RBM26: variants seen among roughly 807,000 people sequenced by gnomAD.
RBM26 encodes RNA-binding protein 26.
In RBM26, 30 loss-of-function variants were observed where a neutral mutation model predicts 123.6. That is an observed-to-expected ratio of 0.24 (90% CI 0.18 to 0.33). The LOEUF is 0.33. RBM26 is among the 10% of genes least tolerant of loss of function. RBM26 has a pLI of 1.00. For missense variants in RBM26, 947 were observed against 1,203.6 expected, an observed-to-expected ratio of 0.79 and a Z score of 3.15; for synonymous variants, 400 against 404.4, an observed-to-expected ratio of 0.99 and a Z score of 0.13.
Position 79,371,824 on chromosome 13 carries a change from G to A in RBM26, c.416+18C>T. ...AACTTACATCGAAACACTGAGTATG[G>A]TTCAATGAACTGCTCACCTATTTTC... is the stretch of plus-strand genomic sequence containing the variant. On this transcript the variant is annotated intron_variant, in intron 4 of 21. Coordinates refer to ENST00000438737, the MANE Select transcript of RBM26 (RefSeq NM_001366735.2). 2.6e-6 allele frequency: 4 copies of A among 1,512,840 alleles called. No individual in the cohort carries two copies. The highest frequency in any genetic ancestry group is 1.1e-5 in the South Asian group (1 of 88,870). The allele number at this position is 1,512,840 out of a possible 1,614,324, so 93.7% of individuals were successfully genotyped here. A position where few individuals can be genotyped will look rare whatever the true frequency, so the allele number is the denominator to read the frequency against.
At chr13:79,322,777 T>C (rs552511275) in intron 20 of RBM26, among the ~76,000 whole-genome samples, 39 of 151,660 alleles carry the variant, frequency 2.6e-4, no homozygotes, top group Middle Eastern at 3.4e-3. Context: ...TATGTCTACA[T>C]GTTTATAACA....
intron 16 of RBM26, among the ~76,000 whole-genome samples, chr13:79,343,580 A>G (rs1227593522): frequency 3.3e-5 from 5 of 151,938 alleles, no homozygotes. Flanking sequence ...AAGAACTGAG[A>G]CTAATTAAAT....
At chr13:79,326,618 A>G (rs2068454495) in intron 20 of RBM26, among the ~76,000 whole-genome samples, 1 of 152,216 alleles carries the variant, frequency 6.6e-6, no homozygotes, top group South Asian at 2.1e-4. Flanking sequence ...CATTTCTACA[A>G]AACAGCCTGT....
intron 21 of RBM26, among the ~76,000 whole-genome samples, chr13:79,321,158 A>C (rs2138357978): frequency 6.6e-6 from 1 of 151,492 alleles, no homozygotes; most frequent in Middle Eastern, 3.4e-3. Flanking sequence ...AACATTTTCT[A>C]TTATTGCATT....
chr13:79,394,306 AATG>A (rs1346760354), intron 1 of RBM26, among the ~76,000 whole-genome samples: 3 of 152,154 alleles, frequency 2.0e-5, no homozygotes, highest in Admixed American at 6.5e-5. Context: ...CTGGCCCTTC[AATG>A]ATTCCACCTA....
intron 1 of RBM26, among the ~76,000 whole-genome samples, chr13:79,403,551 C>A (rs754276383): frequency 3.3e-5 from 5 of 152,210 alleles, no homozygotes; most frequent in Non-Finnish European, 7.3e-5. Flanking sequence ...GTTTTGTATT[C>A]ACCTAATAAC....
At chr13:79,359,717 T>C (rs1278017231) in intron 9 of RBM26, 31 bp from the exon 10 acceptor site, 1 of 1,246,780 alleles carries the variant, frequency 8.0e-7, no homozygotes, top group East Asian at 2.6e-5. Context: ...ATGAAAAAAA[T>C]AAGCATAGGT....
At chr13:79,315,919 G>A (rs1341334603), downstream of RBM26, among the ~76,000 whole-genome samples, 1 of 151,658 alleles carries the variant, frequency 6.6e-6, no homozygotes, top group African/African-American at 2.4e-5. Flanking sequence ...CTTCCCTAAA[G>A]GCCTGTATAC....
At chr13:79,333,449 G>C (rs942318953) in intron 20 of RBM26, among the ~76,000 whole-genome samples, 53 of 152,226 alleles carry the variant, frequency 3.5e-4, no homozygotes, top group African/African-American at 1.3e-3. Context: ...CACTGTGCTG[G>C]CAGAGAACAT....
chr13:79,355,841 C>T (rs1045248386), intron 11 of RBM26, among the ~76,000 whole-genome samples: 18 of 125,976 alleles, frequency 1.4e-4, no homozygotes, highest in Non-Finnish European at 3.1e-4. Flanking sequence ...TCCAAAAGCA[C>T]AAGAAAATTT....
downstream of RBM26, chr13:79,314,775 G>T: frequency 3.8e-6 from 1 of 263,616 alleles, no homozygotes. Flanking sequence ...TAAGAATAAG[G>T]TCAGAGCACA....
At chr13:79,349,132 G>A (rs1237471306) in intron 14 of RBM26, among the ~76,000 whole-genome samples, 1 of 152,126 alleles carries the variant, frequency 6.6e-6, no homozygotes, top group Admixed American at 6.5e-5. Flanking sequence ...CATGCTGTTT[G>A]AAATATATAC....
exon 5 of RBM26, chr13:79,313,333 G>A (rs1192348468): frequency 2.1e-5 from 3 of 143,516 alleles, no homozygotes; most frequent in South Asian, 2.3e-4. Context: ...ATTCTCAATG[G>A]TATCTTCAAT....
At chr13:79,388,181 C>T (rs922617287) in intron 1 of RBM26, among the ~76,000 whole-genome samples, 1 of 152,214 alleles carries the variant, frequency 6.6e-6, no homozygotes, top group African/African-American at 2.4e-5. Context: ...CTGCAACCTC[C>T]GCCTCCCGGG....
intron 14 of RBM26, among the ~76,000 whole-genome samples, chr13:79,351,820 C>T (rs9318626): frequency 0.29 from 44,683 of 151,846 alleles, 8,084 homozygotes; most frequent in Non-Finnish European, 0.41. Context: ...AATGAATTAA[C>T]GCCAAAATAA....
intron 1 of RBM26, among the ~76,000 whole-genome samples, chr13:79,390,875 T>C (rs947952179): frequency 6.6e-6 from 1 of 152,118 alleles, no homozygotes; most frequent in Admixed American, 6.5e-5. Context: ...GGACTAGCCT[T>C]TCATCACCAA....
At chr13:79,324,538 T>G (rs2068095440) in intron 20 of RBM26, among the ~76,000 whole-genome samples, 1 of 151,836 alleles carries the variant, frequency 6.6e-6, no homozygotes, top group South Asian at 2.1e-4. Flanking sequence ...TTTCCCCGAT[T>G]GGATTTTGAT....
chr13:79,350,963 T>C (rs1317508439), intron 14 of RBM26, among the ~76,000 whole-genome samples: 1 of 152,202 alleles, frequency 6.6e-6, no homozygotes, highest in Non-Finnish European at 1.5e-5. Context: ...ATAGGCTGTT[T>C]ACGGTATTTA....
chr13:79,319,151 G>A lies in RBM26; in HGVS notation c.*1470C>T. 2 of 984,602 alleles carry A rather than the reference G, an allele frequency of 2.0e-6. No individual in the cohort carries two copies. Among genetic ancestry groups the A allele is most frequent in the Non-Finnish European group, 2.4e-6 (2 of 829,390 alleles). The allele number at this position is 984,602 out of a possible 1,614,324, so 61.0% of individuals were successfully genotyped here. On this transcript the variant is annotated 3_prime_UTR_variant, in exon 22 of 22. Transcript: ENST00000438737. ...ACCCCAATTAGGGGTGTATGGGGAA[G>A]AAGAAAAAGAACAGCATCCTTAAGT... is the stretch of plus-strand genomic sequence containing the variant.
Sources: gnomAD v4.1 joint callset for allele counts (sites outside exome capture counted in the v4.1 genomes callset) on GRCh38, gnomAD v4.1.1 for gene constraint, MANE v1.5 for transcripts, NCBI Gene and HGNC (gene_info 2026-07-23, HGNC 2026-07-21) for gene names.